TULP4: variants seen among roughly 807,000 people sequenced by gnomAD.
The protein encoded by TULP4 is tubby-related protein 4.
In TULP4, 16 loss-of-function variants were observed where a neutral mutation model predicts 129.0. The observed-to-expected ratio is 0.12, with a 90% CI of 0.08 to 0.19. The LOEUF is 0.19. TULP4 is among the 10% of genes least tolerant of loss of function. The pLI is 1.00. For synonymous variants in TULP4, 998 were observed against 854.0 expected (o/e 1.17, Z -2.94); for missense variants, 1,842 against 2,059.1 (o/e 0.89, Z 2.04).
chr6:158,324,627 C>A (rs1473402208), intron 1 of TULP4, among the ~76,000 whole-genome samples: 1 of 152,202 alleles, frequency 6.6e-6, no homozygotes, highest in Admixed American at 6.5e-5. Flanking sequence ...ATAATGTTGT[C>A]TTTGCTGATG....
intron 5 of TULP4, among the ~76,000 whole-genome samples, chr6:158,454,018 A>ACTTCCCC (rs373934513): frequency 8.7e-6 from 1 of 114,622 alleles, no homozygotes; most frequent in Non-Finnish European, 1.8e-5. Context: ...CTGCCTCTGC[A>ACTTCCCC]CCGCCCCCCC....
intron 6 of TULP4, among the ~76,000 whole-genome samples, chr6:158,479,310 C>G (rs1779886500): frequency 6.6e-6 from 1 of 152,132 alleles, no homozygotes; most frequent in Non-Finnish European, 1.5e-5. Context: ...ACCTTACTAC[C>G]CAGAGCTCAG....
intron 1 of TULP4, among the ~76,000 whole-genome samples, chr6:158,339,493 G>C (rs1001426499): frequency 3.3e-5 from 5 of 152,150 alleles, no homozygotes; most frequent in Non-Finnish European, 7.4e-5. Flanking sequence ...GGGTGCTGCA[G>C]GAGACTAGGA....
At chr6:158,348,098 C>G (rs35072035) in intron 1 of TULP4, among the ~76,000 whole-genome samples, 2,589 of 149,232 alleles carry the variant, frequency 0.017, 24 homozygotes, top group Non-Finnish European at 0.025. Context: ...ACAACGTAAA[C>G]CTTAATAGAT....
At chr6:158,237,577 C>T in intron 1 of TULP4, 1 of 1,537,974 alleles carries the variant, frequency 6.5e-7, no homozygotes. Flanking sequence ...CTTCTTTTTA[C>T]CCTTCTTTCT....
chr6:158,261,858 G>T (rs924844426), intron 1 of TULP4, among the ~76,000 whole-genome samples: 1 of 152,074 alleles, frequency 6.6e-6, no homozygotes, highest in African/African-American at 2.4e-5. Flanking sequence ...ATCACACCAT[G>T]ACCAGGCAGG....
chr6:158,319,962 A>G (rs554493928), intron 1 of TULP4, among the ~76,000 whole-genome samples: 1 of 152,324 alleles, frequency 6.6e-6, no homozygotes, highest in East Asian at 1.9e-4. Flanking sequence ...TCCTGAAAGC[A>G]CCTTTCATAA....
chr6:158,237,640 G>T (rs1045114515), intron 1 of TULP4: 1 of 1,349,464 alleles, frequency 7.4e-7, no homozygotes. Context: ...TGGATCTGGG[G>T]TAAGTTTTGG....
chr6:158,436,814 C>G (rs752291873), intron 3 of TULP4, among the ~76,000 whole-genome samples: 2 of 152,198 alleles, frequency 1.3e-5, no homozygotes, highest in Non-Finnish European at 2.9e-5. Flanking sequence ...TTGGCACATG[C>G]AGTACTAGTA....
At chr6:158,406,799 TAAG>T (rs2114994008) in intron 1 of TULP4, among the ~76,000 whole-genome samples, 1 of 152,274 alleles carries the variant, frequency 6.6e-6, no homozygotes, top group East Asian at 1.9e-4. Context: ...CTCTATCCAA[TAAG>T]AAGATATATT....
chr6:158,458,591 C>T (rs1779346718), intron 5 of TULP4, among the ~76,000 whole-genome samples: 1 of 152,172 alleles, frequency 6.6e-6, no homozygotes, highest in African/African-American at 2.4e-5. Context: ...AAAATTATTA[C>T]TCAAGTCTTG....
At chr6:158,334,843 G>T (rs944687834) in intron 1 of TULP4, among the ~76,000 whole-genome samples, 1 of 152,182 alleles carries the variant, frequency 6.6e-6, no homozygotes, top group Non-Finnish European at 1.5e-5. Context: ...TTGAGGAAGG[G>T]CTTTATTTCT....
At chr6:158,425,095 A>G (rs983107746) in intron 2 of TULP4, among the ~76,000 whole-genome samples, 15 of 125,738 alleles carry the variant, frequency 1.2e-4, no homozygotes, top group Admixed American at 8.1e-4. Context: ...CGGAGCTTGC[A>G]GTGAGCTGAG....
intron 1 of TULP4, among the ~76,000 whole-genome samples, chr6:158,370,602 A>G (rs1331538395): frequency 2.0e-5 from 3 of 152,176 alleles, no homozygotes; most frequent in African/African-American, 7.2e-5. Context: ...TTATTCAAAC[A>G]TAATGAAATC....
At chr6:158,477,698 C>T (rs941465381) in intron 6 of TULP4, among the ~76,000 whole-genome samples, 3 of 152,214 alleles carry the variant, frequency 2.0e-5, no homozygotes, top group Admixed American at 2.0e-4. Flanking sequence ...TTGTAGAAAA[C>T]AGTGTGGCAA....
chr6:158,249,542 TA>T lies in TULP4; in HGVS notation n.68+17240del, dbSNP rs1778098291. ...ATTGGGATGCTGCCCAGAATCTATC[TA>T]TTGTAGCTTACTCTAATGCATCAGT... is the stretch of plus-strand genomic sequence containing the variant. On this transcript the variant is annotated intron_variant and non_coding_transcript_variant, in intron 1 of 1. Transcript: ENST00000620026. Among the ~76,000 whole-genome samples the T allele has an allele frequency of 2.6e-5, 4 of 152,324 alleles. No individual in the cohort carries two copies. In the South Asian group the frequency reaches 8.3e-4, roughly 32 times the overall value.
intron 1 of TULP4, among the ~76,000 whole-genome samples, chr6:158,233,512 C>G (rs1777636388): frequency 6.6e-6 from 1 of 152,210 alleles, no homozygotes; most frequent in South Asian, 2.1e-4. Context: ...CAGACAAACC[C>G]GCTGGGAATG....
chr6:158,474,207 A>G (rs1392642891), intron 6 of TULP4, among the ~76,000 whole-genome samples: 2 of 152,242 alleles, frequency 1.3e-5, no homozygotes, highest in African/African-American at 2.4e-5. Context: ...TCTTCAAGAC[A>G]GATCCCCCAT....
chr6:158,313,226 G>A lies in TULP4; in HGVS notation c.-791G>A, dbSNP rs1230208023. The A allele has an allele frequency of 2.6e-5, 9 of 343,652 alleles. No individual in the cohort carries two copies. The South Asian group carries it at 4.6e-4, about 18-fold the overall frequency. 21.3% of individuals were successfully genotyped at this position (343,652 alleles called of 1,614,324 possible). ...TAGCCTCTATGGCACTGAGGGGTGC[G>A]CCGGCTGGTGGAGGAGCAGTCCGAT... is the stretch of plus-strand genomic sequence containing the variant. On this transcript the variant is annotated 5_prime_UTR_variant, in exon 1 of 14. Coordinates refer to ENST00000367097, the MANE Select transcript of TULP4 (RefSeq NM_020245.5).
Sources: allele counts gnomAD v4.1 joint callset (sites outside exome capture counted in the v4.1 genomes callset), GRCh38; gene constraint gnomAD v4.1.1; transcripts MANE v1.5; gene names NCBI Gene and HGNC (gene_info 2026-07-23, HGNC 2026-07-21).